The following MRPS6 variants were observed in gnomAD, a reference collection of about 807,000 sequenced individuals.
MRPS6 encodes the protein small ribosomal subunit protein bS6m.
MRPS6 carries 6 observed loss-of-function variants against 13.1 expected under a neutral mutation model. The ratio of observed to expected loss-of-function variants is 0.46; its 90% CI spans 0.25 to 0.91. The LOEUF (loss-of-function observed/expected upper bound fraction) is 0.91. MRPS6 is among the 40% of genes least tolerant of loss of function. MRPS6 has a pLI of 0.18. For synonymous variants in MRPS6, 61 were observed against 56.5 expected (o/e 1.08, Z -0.36); for missense variants, 164 against 155.6 (o/e 1.05, Z -0.29).
At chr21:34,102,277 A>C in intron 1 of MRPS6, 1 of 999,644 alleles carries the variant, frequency 1.0e-6, no homozygotes. Context: ...GTAGTCATAT[A>C]AATGTTTTTA....
At chr21:34,119,170 A>G (rs1004471630) in intron 1 of MRPS6, among the ~76,000 whole-genome samples, 5 of 152,218 alleles carry the variant, frequency 3.3e-5, no homozygotes, top group Non-Finnish European at 7.3e-5. Context: ...TACAATGAAG[A>G]ATATTTGATC....
rs552257798 is a variant in MRPS6 at position 34,109,101 on chromosome 21, A to C, written c.46-16240A>C. Reference sequence around the variant, plus strand: ...GAATAAAATTTCTGTTGAGTTTTTCAATTTTAAGAGCTCTTTTGTTCCTGA... The same window carrying C: ...GAATAAAATTTCTGTTGAGTTTTTCCATTTTAAGAGCTCTTTTGTTCCTGA... On this transcript the variant is annotated intron_variant, in intron 1 of 2. Transcript: ENST00000399312. Among the ~76,000 whole-genome samples, 93 of 152,232 alleles carry C rather than the reference A, an allele frequency of 6.1e-4. 1 individual carries two copies. Among genetic ancestry groups the C allele is most frequent in the African/African-American group, 2.2e-3 (90 of 41,550 alleles).
In MRPS6 at chr21:34,127,952, C is replaced by T. The variant is rs528342009; in HGVS notation, c.185+2472C>T. 1.6e-4 allele frequency among the ~76,000 whole-genome samples: 24 copies of T among 152,302 alleles called. No homozygotes were observed. The South Asian group carries it at 3.9e-3, about 25-fold the overall frequency. On this transcript the variant is annotated intron_variant, in intron 2 of 2. Transcript: ENST00000399312. ...AGGCTATGACACGTATCCGAAATTA[C>T]GGCAAGGCGCTGATTTGAAACCTGA...
chr21:34,097,346 C>T, intron 1 of MRPS6: 2 of 1,600,544 alleles, frequency 1.2e-6, no homozygotes, highest in South Asian at 2.3e-5. Flanking sequence ...TTGTTTATTT[C>T]TCCTTATGAA....
At chr21:34,141,043 A>G (rs866121579) in intron 2 of MRPS6, among the ~76,000 whole-genome samples, 14 of 152,226 alleles carry the variant, frequency 9.2e-5, no homozygotes, top group African/African-American at 3.4e-4. Flanking sequence ...ACAAAATGCC[A>G]TCCCTTTTCT....
intron 1 of MRPS6, among the ~76,000 whole-genome samples, chr21:34,089,101 A>G (rs1017888486): frequency 6.6e-6 from 1 of 151,366 alleles, no homozygotes; most frequent in African/African-American, 2.4e-5. Context: ...ATCTCGGCTC[A>G]CTGCAACCTC....
intron 2 of MRPS6, among the ~76,000 whole-genome samples, chr21:34,139,193 G>GGGGGA (rs1298102030): frequency 1.8e-5 from 2 of 111,562 alleles, no homozygotes; most frequent in Non-Finnish European, 3.5e-5. Context: ...TTGTGGGGTG[G>GGGGGA]GGGGAGGGGG....
At chr21:34,112,080 CA>C (rs1339805755) in intron 1 of MRPS6, among the ~76,000 whole-genome samples, 1 of 152,086 alleles carries the variant, frequency 6.6e-6, no homozygotes, top group African/African-American at 2.4e-5. Context: ...CTCTGTCTTT[CA>C]AAAAATACTC....
At chr21:34,120,784 G>A (rs1980091065) in intron 1 of MRPS6, among the ~76,000 whole-genome samples, 2 of 152,164 alleles carry the variant, frequency 1.3e-5, no homozygotes, top group South Asian at 4.1e-4. Context: ...TTGAAATACA[G>A]TATTGGTGTG....
chr21:34,105,627 T>C, intron 1 of MRPS6: 1 of 1,000,066 alleles, frequency 1.0e-6, no homozygotes, highest in Non-Finnish European at 1.2e-6. Context: ...TGTGTCATTT[T>C]AGTTAGGCAT....
chr21:34,103,315 T>TAAAAA lies in MRPS6; in HGVS notation c.46-22014_46-22010dup, dbSNP rs11433558. On this transcript the variant is annotated intron_variant, in intron 1 of 2. Coordinates refer to ENST00000399312, the MANE Select transcript of MRPS6 (RefSeq NM_032476.4). The stretch of plus-strand genomic sequence containing the variant: ...ATTTTGTCGTAACTAGTGAAGGAAG[T>TAAAAA]AAAAAAAAAAAAAAAACATGCATTA... 1.4e-4 allele frequency: 128 copies of TAAAAA among 911,604 alleles called. No individual in the cohort carries two copies. The South Asian group carries it at 2.3e-3, about 16-fold the overall frequency. The allele number at this position is 911,604 out of a possible 1,614,324, so 56.5% of individuals were successfully genotyped here.
chr21:34,131,528 G>C (rs1268625491), intron 2 of MRPS6, among the ~76,000 whole-genome samples: 2 of 152,130 alleles, frequency 1.3e-5, no homozygotes, highest in Non-Finnish European at 2.9e-5. Flanking sequence ...GGCATCAAGG[G>C]AGTTAGTTCC....
chr21:34,101,344 G>A, intron 1 of MRPS6: 4 of 1,000,130 alleles, frequency 4.0e-6, no homozygotes, highest in Non-Finnish European at 4.8e-6. Context: ...CTGGTTTGAT[G>A]TTAAGCATTA....
rs1989304704 is a variant in MRPS6, at chr21:34,075,452, C to T, written c.45+1707C>T. Reference sequence around the variant, plus strand: ...TAACATAGCCTTTGGATGTGGAGCACCCATTTTTCACTCTAGTTCAGATCA... The same window carrying T: ...TAACATAGCCTTTGGATGTGGAGCATCCATTTTTCACTCTAGTTCAGATCA... On this transcript the variant is annotated intron_variant, in intron 1 of 2. Coordinates refer to ENST00000399312, the MANE Select transcript of MRPS6 (RefSeq NM_032476.4). Among the ~76,000 whole-genome samples the T allele has an allele frequency of 2.0e-5, 3 of 151,854 alleles. No homozygotes were observed. In the South Asian group the frequency reaches 6.2e-4, roughly 32 times the overall value.
At chr21:34,134,719 T>G (rs912736698) in intron 2 of MRPS6, among the ~76,000 whole-genome samples, 2 of 152,164 alleles carry the variant, frequency 1.3e-5, no homozygotes, top group Non-Finnish European at 2.9e-5. Context: ...TTTTCGACTT[T>G]ATGATGGTGC....
At chr21:34,132,777 C>T (rs1035583850) in intron 2 of MRPS6, among the ~76,000 whole-genome samples, 1 of 152,150 alleles carries the variant, frequency 6.6e-6, no homozygotes, top group African/African-American at 2.4e-5. Context: ...ATGGTCCTTT[C>T]CAGCACTTCC....
intron 1 of MRPS6, chr21:34,095,456 C>G (rs760786850): frequency 1.2e-6 from 2 of 1,613,948 alleles, no homozygotes; most frequent in South Asian, 2.2e-5. Context: ...AATTCAATGC[C>G]TTACTGCTTT....
intron 1 of MRPS6, chr21:34,124,615 G>C (rs1241037788): frequency 6.6e-6 from 1 of 151,176 alleles, no homozygotes; most frequent in African/African-American, 2.4e-5. Context: ...GGGCTCAGTT[G>C]CTGGTTCATT....
intron 1 of MRPS6, among the ~76,000 whole-genome samples, chr21:34,118,308 G>A (rs1481301722): frequency 1.3e-5 from 2 of 151,988 alleles, no homozygotes; most frequent in African/African-American, 2.4e-5. Context: ...ATTATATACT[G>A]TATTACAATA....
Sources: allele counts gnomAD v4.1 joint callset (sites outside exome capture counted in the v4.1 genomes callset), GRCh38; gene constraint gnomAD v4.1.1; transcripts MANE v1.5; gene names NCBI Gene and HGNC (gene_info 2026-07-23, HGNC 2026-07-21).